CALD1: variants seen among roughly 807,000 people sequenced by gnomAD.
The protein encoded by CALD1 is caldesmon 1, also known as caldesmon.
In CALD1, 33 loss-of-function variants were observed where a neutral mutation model predicts 99.9. The ratio of observed to expected loss-of-function variants is 0.33; its 90% CI spans 0.25 to 0.44. The LOEUF is 0.44. CALD1 is among the 20% of genes least tolerant of loss of function. CALD1 has a pLI of 1.00. For missense variants in CALD1, 861 were observed against 962.1 expected, an observed-to-expected ratio of 0.89 and a Z score of 1.39; for synonymous variants, 310 against 325.0, an observed-to-expected ratio of 0.95 and a Z score of 0.50.
At chr7:134,832,008 G>A (rs1013986825) in intron 1 of CALD1, among the ~76,000 whole-genome samples, 1 of 152,230 alleles carries the variant, frequency 6.6e-6, no homozygotes, top group African/African-American at 2.4e-5. Context: ...GTGATCCTAG[G>A]ACTTTTATAA....
chr7:134,844,513 C>T lies in CALD1; in HGVS notation c.-42+542C>T, dbSNP rs566168655. Among the ~76,000 whole-genome samples, 10 of 152,316 alleles carry T rather than the reference C, an allele frequency of 6.6e-5. No individual in the cohort carries two copies. In the South Asian group the frequency reaches 1.5e-3, roughly 22 times the overall value. ...TGGAGAAACCAAAGGGCATTTCACT[C>T]ATTCACAGTTTTGCTGAGCTTGGCT... On this transcript the variant is annotated intron_variant, in intron 2 of 14. Coordinates refer to ENST00000361675, the MANE Select transcript of CALD1 (RefSeq NM_033138.4).
At chr7:134,779,450 G>A (rs185641644), upstream of CALD1, 6 of 381,748 alleles carry the variant, frequency 1.6e-5, no homozygotes, top group African/African-American at 6.2e-5. Context: ...GGAATGACAG[G>A]CATCTCCACA....
At chr7:134,826,863 C>A (rs1410338623) in intron 1 of CALD1, among the ~76,000 whole-genome samples, 1 of 152,160 alleles carries the variant, frequency 6.6e-6, no homozygotes, top group Non-Finnish European at 1.5e-5. Flanking sequence ...CTCCTCAGTC[C>A]AACCTCTACC....
At chr7:134,837,350 T>C (rs199781622) in intron 1 of CALD1, among the ~76,000 whole-genome samples, 1 of 151,576 alleles carries the variant, frequency 6.6e-6, no homozygotes, top group African/African-American at 2.4e-5. Flanking sequence ...TCTCCTTTTT[T>C]TTTTTTTCCT....
At chr7:134,836,272 A>G (rs1799436950) in intron 1 of CALD1, among the ~76,000 whole-genome samples, 2 of 152,114 alleles carry the variant, frequency 1.3e-5, no homozygotes, top group African/African-American at 4.8e-5. Flanking sequence ...TCTGTTTGAT[A>G]AGTTCTATTT....
intron 14 of CALD1, 153 bp downstream of exon 14, chr7:134,965,539 A>T: frequency 1.8e-6 from 1 of 566,180 alleles, no homozygotes; most frequent in Non-Finnish European, 3.2e-6. Flanking sequence ...TAACACAGTG[A>T]AATGAAAAGC....
intron 1 of CALD1, among the ~76,000 whole-genome samples, chr7:134,784,086 C>T (rs766058970): frequency 8.5e-5 from 13 of 152,212 alleles, no homozygotes; most frequent in Middle Eastern, 3.4e-3. Context: ...TTTAGTATAT[C>T]GGGCACTCAT....
At chr7:134,747,282 T>C (rs183530867) in intron 1 of CALD1, among the ~76,000 whole-genome samples, 1 of 152,204 alleles carries the variant, frequency 6.6e-6, no homozygotes, top group East Asian at 1.9e-4. Flanking sequence ...AAAGTGCAGA[T>C]GTGGAATGAT....
chr7:134,758,343 C>T (rs1796747526), intron 1 of CALD1, among the ~76,000 whole-genome samples: 1 of 152,198 alleles, frequency 6.6e-6, no homozygotes, highest in South Asian at 2.1e-4. Flanking sequence ...TATATAGGCA[C>T]ACACATTTAT....
intron 3 of CALD1, among the ~76,000 whole-genome samples, chr7:134,914,417 G>T (rs1189273694): frequency 1.3e-5 from 2 of 152,090 alleles, no homozygotes; most frequent in African/African-American, 4.8e-5. Context: ...TTTATTTCTT[G>T]GGGAAAGCTG....
chr7:134,916,270 A>C (rs1014172204), intron 3 of CALD1, among the ~76,000 whole-genome samples: 1 of 152,112 alleles, frequency 6.6e-6, no homozygotes, highest in Non-Finnish European at 1.5e-5. Context: ...GCTAGCAACA[A>C]TGCCCCAGTG....
intron 1 of CALD1, among the ~76,000 whole-genome samples, chr7:134,818,117 C>T (rs906019186): frequency 3.9e-5 from 6 of 152,062 alleles, no homozygotes; most frequent in African/African-American, 1.4e-4. Flanking sequence ...TATTTTTTTT[C>T]TTACAATGTA....
intron 1 of CALD1, among the ~76,000 whole-genome samples, chr7:134,759,090 A>G (rs1201994616): frequency 6.6e-6 from 1 of 152,220 alleles, no homozygotes; most frequent in African/African-American, 2.4e-5. Flanking sequence ...TATAGACTTC[A>G]GCCCCAAAAT....
intron 3 of CALD1, among the ~76,000 whole-genome samples, chr7:134,872,066 T>C (rs1477989727): frequency 1.3e-5 from 2 of 152,306 alleles, no homozygotes; most frequent in East Asian, 3.9e-4. Context: ...GCAAACGTAG[T>C]GCATCAAAAA....
Position 134,960,079 on chromosome 7 carries a change from T to C in CALD1, c.2167T>C (p.Ser723Pro), listed in dbSNP as rs1159134703. 4.3e-6 allele frequency: 7 copies of C among 1,614,178 alleles called. No individual in the cohort carries two copies. Among genetic ancestry groups the C allele is most frequent in the Non-Finnish European group, 5.9e-6 (7 of 1,179,996 alleles). ...KSMWEKGNVFSSPTAAGTPNK... is the reference protein window; with the variant it reads ...KSMWEKGNVFPSPTAAGTPNK... ...TATGTGGGAGAAAGGGAATGTGTTTTCATCCCCCACTGCAGCAGGCACACC... is the reference window on the plus strand; with the variant it reads ...TATGTGGGAGAAAGGGAATGTGTTTCCATCCCCCACTGCAGCAGGCACACC... Residue 723 changes from serine (S) to proline (P), a missense_variant, in exon 12 of 15, where the codon TCA becomes CCA. Physicochemically the swap from Ser to Pro is moderately conservative, Grantham distance 74 (BLOSUM62 -1). Transcript: ENST00000361675.
At chr7:134,757,662 C>T (rs567133308) in intron 1 of CALD1, among the ~76,000 whole-genome samples, 4 of 152,090 alleles carry the variant, frequency 2.6e-5, no homozygotes, top group East Asian at 1.9e-4. Flanking sequence ...GAGTGGTTCA[C>T]GAGATCAGGA....
At chr7:134,781,310 T>G (rs145038704) in intron 1 of CALD1, among the ~76,000 whole-genome samples, 125 of 152,280 alleles carry the variant, frequency 8.2e-4, no homozygotes, top group African/African-American at 2.8e-3. Context: ...TCTTGGGATT[T>G]GAGGATAAAT....
At chr7:134,841,970 G>A (rs1799669738) in intron 1 of CALD1, among the ~76,000 whole-genome samples, 1 of 152,208 alleles carries the variant, frequency 6.6e-6, no homozygotes, top group Admixed American at 6.5e-5. Flanking sequence ...TAGCCTAGAT[G>A]TCTCCTTTTC....
At chr7:134,762,982 A>G (rs1796791830) in intron 1 of CALD1, among the ~76,000 whole-genome samples, 1 of 152,222 alleles carries the variant, frequency 6.6e-6, no homozygotes, top group Non-Finnish European at 1.5e-5. Context: ...TGGGATACAG[A>G]AATGAGTACT....
Sources: allele counts gnomAD v4.1 joint callset (sites outside exome capture counted in the v4.1 genomes callset), GRCh38; gene constraint gnomAD v4.1.1; transcripts MANE v1.5; gene names NCBI Gene and HGNC (gene_info 2026-07-23, HGNC 2026-07-21).